Variants in PSD3 observed in about 807,000 individuals in gnomAD.
PSD3 encodes the protein PH and SEC7 domain-containing protein 3.
In PSD3, 49 loss-of-function variants were observed where a neutral mutation model predicts 105.5. That is an observed-to-expected ratio of 0.46 (90% CI 0.37 to 0.59). PSD3 has a LOEUF of 0.59. Ranked by LOEUF, PSD3 falls within the 20% of genes least tolerant of loss-of-function variation. The pLI is 0.00. For synonymous variants in PSD3, 557 were observed against 457.8 expected (o/e 1.22, Z -2.77); for missense variants, 1,561 against 1,263.8 (o/e 1.24, Z -3.57).
At chr8:18,675,679 T>A (rs1184473308) in intron 9 of PSD3, among the ~76,000 whole-genome samples, 1 of 152,166 alleles carries the variant, frequency 6.6e-6, no homozygotes, top group Non-Finnish European at 1.5e-5. Flanking sequence ...AAATGTACCA[T>A]CGGAACATGG....
chr8:18,772,243 G>A (rs335230), intron 8 of PSD3, among the ~76,000 whole-genome samples: 138,999 of 152,192 alleles, frequency 0.91, 63,944 homozygotes, highest in Non-Finnish European at 0.97. Flanking sequence ...ATATATATAC[G>A]TGCAGAAATG....
chr8:18,591,643 C>T (rs1803616166), intron 12 of PSD3, among the ~76,000 whole-genome samples: 1 of 152,094 alleles, frequency 6.6e-6, no homozygotes, highest in South Asian at 2.1e-4. Context: ...CTGTGGCTGG[C>T]ACACTTAGTG....
intron 1 of PSD3, among the ~76,000 whole-genome samples, chr8:19,026,595 T>C (rs1156805070): frequency 2.0e-5 from 3 of 148,792 alleles, no homozygotes; most frequent in Non-Finnish European, 4.4e-5. Flanking sequence ...CCAGGTGTGG[T>C]GGCTCATGCC....
chr8:18,898,900 C>A (rs1307125074), intron 2 of PSD3, among the ~76,000 whole-genome samples: 1 of 152,102 alleles, frequency 6.6e-6, no homozygotes, highest in Non-Finnish European at 1.5e-5. Context: ...GAGGCAGGCA[C>A]ATTCAGTGTA....
At chr8:18,896,197 T>C (rs1032494194) in intron 2 of PSD3, among the ~76,000 whole-genome samples, 2 of 152,246 alleles carry the variant, frequency 1.3e-5, no homozygotes, top group Admixed American at 6.5e-5. Flanking sequence ...ATATACCACA[T>C]TTTCTTTATG....
intron 1 of PSD3, among the ~76,000 whole-genome samples, chr8:18,955,791 C>T (rs1056755649): frequency 1.8e-4 from 26 of 142,242 alleles, no homozygotes; most frequent in Non-Finnish European, 2.7e-4. Flanking sequence ...ATTTTTAAGA[C>T]GGAGTCTCAT....
chr8:18,725,220 A>G (rs1803265888), intron 9 of PSD3, among the ~76,000 whole-genome samples: 1 of 152,160 alleles, frequency 6.6e-6, no homozygotes, highest in African/African-American at 2.4e-5. Context: ...CAAGCCCCCC[A>G]AGAACTCTTT....
chr8:18,745,060 G>C (rs556866139), intron 9 of PSD3, among the ~76,000 whole-genome samples: 153 of 152,286 alleles, frequency 1.0e-3, no homozygotes, highest in Non-Finnish European at 1.5e-3. Flanking sequence ...GAGCATCAGA[G>C]GCTTCATGAT....
chr8:18,798,788 T>G (rs1277740378), intron 8 of PSD3, among the ~76,000 whole-genome samples: 1 of 152,172 alleles, frequency 6.6e-6, no homozygotes, highest in East Asian at 1.9e-4. Flanking sequence ...AATTATACAT[T>G]TTAACACTTT....
At chr8:18,627,649 C>G (rs1806587320) in intron 11 of PSD3, among the ~76,000 whole-genome samples, 1 of 151,936 alleles carries the variant, frequency 6.6e-6, no homozygotes, top group African/African-American at 2.4e-5. Flanking sequence ...AGGGTAAAGG[C>G]AAGCGTCTAA....
At chr8:18,683,434 C>T (rs7013624) in intron 9 of PSD3, among the ~76,000 whole-genome samples, 26,210 of 152,124 alleles carry the variant, frequency 0.17, 4,876 homozygotes, top group African/African-American at 0.45. Flanking sequence ...AAAAATACTC[C>T]GCACTGAAAA....
intron 9 of PSD3, among the ~76,000 whole-genome samples, chr8:18,661,055 A>G (rs1190863926): frequency 6.6e-6 from 1 of 152,178 alleles, no homozygotes; most frequent in Non-Finnish European, 1.5e-5. Context: ...GGGCTCTCTG[A>G]AGCTTTTCTA....
chr8:18,541,976 C>T (rs1800175990), intron 15 of PSD3, among the ~76,000 whole-genome samples: 2 of 152,092 alleles, frequency 1.3e-5, no homozygotes, highest in African/African-American at 4.8e-5. Flanking sequence ...TGGTCTCAAA[C>T]TCCTGACCTC....
At chr8:18,859,539 A>G (rs1816276502) in intron 4 of PSD3, among the ~76,000 whole-genome samples, 1 of 152,264 alleles carries the variant, frequency 6.6e-6, no homozygotes, top group African/African-American at 2.4e-5. Flanking sequence ...TTTTTCCAAT[A>G]GATGGCTATT....
intron 15 of PSD3, among the ~76,000 whole-genome samples, chr8:18,548,280 T>C (rs1192151282): frequency 6.6e-6 from 1 of 152,242 alleles, no homozygotes; most frequent in Non-Finnish European, 1.5e-5. Context: ...TTTCTTAAAA[T>C]AATTATTCTG....
chr8:18,724,832 TAACA>T (rs1212904302), intron 9 of PSD3, among the ~76,000 whole-genome samples: 6 of 152,052 alleles, frequency 3.9e-5, no homozygotes, highest in African/African-American at 1.4e-4. Flanking sequence ...TATAACTAAC[TAACA>T]GTCTGCGTCC....
chr8:18,969,399 T>C lies in PSD3; in HGVS notation c.22-33257A>G, dbSNP rs188326811. ...AACATTAGCTTCACGTTCAATTGCATAGAAATCAACGGTACACCATAAATT... is the reference window on the plus strand; with the variant it reads ...AACATTAGCTTCACGTTCAATTGCACAGAAATCAACGGTACACCATAAATT... On this transcript the variant is annotated intron_variant, in intron 1 of 15. Coordinates refer to ENST00000327040, the MANE Select transcript of PSD3 (RefSeq NM_015310.4). Among the ~76,000 whole-genome samples, 75 of 152,356 alleles carry C rather than the reference T, an allele frequency of 4.9e-4. No individual in the cohort carries two copies. The East Asian group carries it at 0.014, about 29-fold the overall frequency.
chr8:18,903,672 C>G (rs774429877), intron 2 of PSD3, among the ~76,000 whole-genome samples: 13 of 152,138 alleles, frequency 8.5e-5, no homozygotes, highest in Non-Finnish European at 1.8e-4. Flanking sequence ...CACTGATACC[C>G]CAGGGACCAA....
intron 8 of PSD3, among the ~76,000 whole-genome samples, chr8:18,781,050 G>GT (rs1318665679): frequency 6.6e-6 from 1 of 151,870 alleles, no homozygotes; most frequent in Non-Finnish European, 1.5e-5. Context: ...TGACAGTTGT[G>GT]TTTTTTTGTT....
Sources: allele counts gnomAD v4.1 joint callset (sites outside exome capture counted in the v4.1 genomes callset), GRCh38; gene constraint gnomAD v4.1.1; transcripts MANE v1.5; gene names NCBI Gene and HGNC (gene_info 2026-07-23, HGNC 2026-07-21).